Variants in DLGAP2 observed in about 807,000 individuals in gnomAD.
DLGAP2 encodes the protein DLG associated protein 2.
A neutral mutation model predicts 100.3 loss-of-function variants in DLGAP2; 26 were observed. The observed-to-expected ratio is 0.26, with a 90% CI of 0.19 to 0.36. The LOEUF (loss-of-function observed/expected upper bound fraction) is 0.36, where lower values mean the gene tolerates loss of function less well. Among genes scored for constraint, DLGAP2 ranks in the 10% least tolerant of loss-of-function variants. DLGAP2 has a pLI of 1.00. For synonymous variants in DLGAP2, 886 were observed against 630.1 expected (o/e 1.41, Z -6.08); for missense variants, 1,858 against 1,453.2 (o/e 1.28, Z -4.53).
intron 2 of DLGAP2, among the ~76,000 whole-genome samples, chr8:963,813 C>A (rs1799783410): frequency 6.6e-6 from 1 of 152,152 alleles, no homozygotes; most frequent in African/African-American, 2.4e-5. Flanking sequence ...AAAGACCCAG[C>A]ACCATCACAG....
intron 3 of DLGAP2, among the ~76,000 whole-genome samples, chr8:1,327,484 G>C (rs1316321592): frequency 6.6e-6 from 1 of 152,192 alleles, no homozygotes; most frequent in Non-Finnish European, 1.5e-5. Context: ...GCTATAGCTT[G>C]TGGAAAATAG....
At chr8:1,044,622 A>G (rs948152555) in intron 2 of DLGAP2, among the ~76,000 whole-genome samples, 1 of 152,226 alleles carries the variant, frequency 6.6e-6, no homozygotes, top group Non-Finnish European at 1.5e-5. Context: ...CATGTATCCC[A>G]GGGTCTCCTC....
At chr8:1,160,357 A>C (rs1585111037) in intron 2 of DLGAP2, among the ~76,000 whole-genome samples, 1 of 152,212 alleles carries the variant, frequency 6.6e-6, no homozygotes, top group Admixed American at 6.5e-5. Context: ...CCCCGCCCCA[A>C]ACTCGGGGCA....
rs1397649824 is a variant in DLGAP2, at chr8:1,516,573, G to C, written c.172+15142G>C. 4.0e-5 allele frequency among the ~76,000 whole-genome samples: 6 copies of C among 151,010 alleles called. No individual in the cohort carries two copies. In the East Asian group the frequency reaches 1.2e-3, roughly 30 times the overall value. Reference sequence around the variant, plus strand: ...TGAGTGAGTGAATGAGGGAGGGAGGGCGTGAATGAGTGAGTGAATGAGTGC... The same window carrying C: ...TGAGTGAGTGAATGAGGGAGGGAGGCCGTGAATGAGTGAGTGAATGAGTGC... On this transcript the variant is annotated intron_variant, in intron 4 of 14. Transcript: ENST00000637795.
At chr8:761,500 T>C (rs1250430763) in intron 1 of DLGAP2, among the ~76,000 whole-genome samples, 1 of 152,242 alleles carries the variant, frequency 6.6e-6, no homozygotes, top group Non-Finnish European at 1.5e-5. Flanking sequence ...CTACATGGCG[T>C]TGCTTTTAAA....
intron 1 of DLGAP2, among the ~76,000 whole-genome samples, chr8:857,681 G>C (rs1266584867): frequency 6.6e-6 from 1 of 152,176 alleles, no homozygotes; most frequent in African/African-American, 2.4e-5. Flanking sequence ...ACACCATCAA[G>C]TGCTGGTGAG....
intron 3 of DLGAP2, among the ~76,000 whole-genome samples, chr8:1,384,052 C>T (rs148008282): frequency 9.9e-4 from 150 of 152,274 alleles, no homozygotes; most frequent in African/African-American, 3.5e-3. Context: ...TTCACTGGCT[C>T]ATTCAGACGT....
At chr8:1,094,993 C>T (rs1330053127) in intron 2 of DLGAP2, among the ~76,000 whole-genome samples, 1 of 152,214 alleles carries the variant, frequency 6.6e-6, no homozygotes, top group East Asian at 1.9e-4. Flanking sequence ...TCTCAGCAGC[C>T]TGCTCCAGGT....
At chr8:831,207 CTTT>C (rs59545503) in intron 1 of DLGAP2, among the ~76,000 whole-genome samples, 32,222 of 127,438 alleles carry the variant, frequency 0.25, 4,188 homozygotes, top group African/African-American at 0.32. Context: ...CCAGCAGTCA[CTTT>C]TTTTTTTTTT....
intron 2 of DLGAP2, among the ~76,000 whole-genome samples, chr8:913,796 G>T (rs1378349246): frequency 6.6e-6 from 1 of 152,244 alleles, no homozygotes; most frequent in Non-Finnish European, 1.5e-5. Flanking sequence ...CCCTGAATAA[G>T]TCCTGAATTA....
At chr8:1,224,009 T>G (rs1798367002) in intron 2 of DLGAP2, among the ~76,000 whole-genome samples, 1 of 152,190 alleles carries the variant, frequency 6.6e-6, no homozygotes, top group Admixed American at 6.5e-5. Context: ...CCCCTTGATG[T>G]GGATTAATAT....
chr8:1,651,509 G>T (rs1055573089), intron 8 of DLGAP2, among the ~76,000 whole-genome samples: 1 of 152,196 alleles, frequency 6.6e-6, no homozygotes, highest in African/African-American at 2.4e-5. Flanking sequence ...CAACTGAGCT[G>T]CTTCTCTAAA....
intron 3 of DLGAP2, among the ~76,000 whole-genome samples, chr8:1,313,693 C>T (rs2117019671): frequency 6.6e-6 from 1 of 152,242 alleles, no homozygotes; most frequent in Middle Eastern, 3.4e-3. Flanking sequence ...ACCTGATGGT[C>T]ACTACAGGAC....
intron 1 of DLGAP2, among the ~76,000 whole-genome samples, chr8:883,525 A>C (rs1797854160): frequency 6.6e-6 from 1 of 152,116 alleles, no homozygotes; most frequent in Non-Finnish European, 1.5e-5. Context: ...CTTAAAAAAA[A>C]AAACCCAGGA....
chr8:859,846 G>A (rs946307073), intron 1 of DLGAP2, among the ~76,000 whole-genome samples: 2 of 152,140 alleles, frequency 1.3e-5, no homozygotes, highest in East Asian at 1.9e-4. Flanking sequence ...ACAGGCAGCC[G>A]AGATGGAAGA....
At chr8:1,171,474 A>G (rs557490328) in intron 2 of DLGAP2, among the ~76,000 whole-genome samples, 1 of 151,848 alleles carries the variant, frequency 6.6e-6, no homozygotes, top group African/African-American at 2.4e-5. Flanking sequence ...TCTAATGGTG[A>G]CAGTGGGGTA....
intron 3 of DLGAP2, among the ~76,000 whole-genome samples, chr8:1,312,017 C>T (rs1563076157): frequency 6.6e-6 from 1 of 152,204 alleles, no homozygotes; most frequent in African/African-American, 2.4e-5. Flanking sequence ...AGAAATTCAG[C>T]AATGACAGGG....
chr8:1,285,411 C>T (rs962314469), intron 3 of DLGAP2, among the ~76,000 whole-genome samples: 50 of 151,982 alleles, frequency 3.3e-4, no homozygotes, highest in African/African-American at 1.1e-3. Context: ...TAAGACTGTG[C>T]GTTTAGATTA....
At chr8:917,081 A>G (rs1024676354) in intron 2 of DLGAP2, among the ~76,000 whole-genome samples, 2 of 152,218 alleles carry the variant, frequency 1.3e-5, no homozygotes, top group African/African-American at 4.8e-5. Flanking sequence ...TCCTGCTTCA[A>G]AGTAAAACAC....
Sources: allele counts gnomAD v4.1 joint callset (sites outside exome capture counted in the v4.1 genomes callset), GRCh38; gene constraint gnomAD v4.1.1; transcripts MANE v1.5; gene names NCBI Gene and HGNC (gene_info 2026-07-23, HGNC 2026-07-21).